The following GNG7 variants were observed in gnomAD, a reference collection of about 807,000 sequenced individuals.
The protein encoded by GNG7 is G protein subunit gamma 7.
GNG7 carries 1 observed loss-of-function variant against 4.0 expected under a neutral mutation model. The observed-to-expected ratio is 0.25, with a 90% CI of 0.09 to 1.18. The LOEUF (loss-of-function observed/expected upper bound fraction) is 1.18, where lower values mean the gene tolerates loss of function less well. Among genes scored for constraint, GNG7 ranks in the 50% most tolerant of loss-of-function variants. The probability of loss-of-function intolerance (pLI) is 0.50; values close to 1 mark genes in which losing one functional copy is unlikely to be tolerated. For missense variants in GNG7, 86 were observed against 91.9 expected (o/e 0.94, Z 0.26); for synonymous variants, 34 against 36.9 (o/e 0.92, Z 0.29).
chr19:2,615,170 T>A (rs1981685589), intron 2 of GNG7, among the ~76,000 whole-genome samples: 1 of 152,070 alleles, frequency 6.6e-6, no homozygotes, highest in Non-Finnish European at 1.5e-5. Flanking sequence ...ACACTCTTTT[T>A]TTTTTTTTTG....
chr19:2,616,219 G>A (rs1981719520), intron 2 of GNG7, among the ~76,000 whole-genome samples: 1 of 151,976 alleles, frequency 6.6e-6, no homozygotes, highest in Non-Finnish European at 1.5e-5. Flanking sequence ...AACCAGCCTG[G>A]GCAAAATAGT....
At position 2,649,578 on chromosome 19, in the gene GNG7, C is replaced by A. The variant is rs145239619; in HGVS notation, c.-134-3298G>T. Among the ~76,000 whole-genome samples the A allele has an allele frequency of 2.0e-5, 3 of 151,786 alleles. No homozygotes were observed. The East Asian group carries it at 5.8e-4, about 29-fold the overall frequency. ...CTAATTTTTGTATTTTTAGTAGAGA[C>A]GGGGTTTCACCATGTTGGTCAGGCT... On this transcript the variant is annotated intron_variant, in intron 1 of 4. Transcript: ENST00000382159.
chr19:2,611,680 T>A lies in GNG7; in HGVS notation c.-78+34544A>T, dbSNP rs200899296. ...AGCAACACCAGGTCTCTACAAAAAATTAAAAATTAGCCGGGCATGCTGGCG... is the reference window on the plus strand; with the variant it reads ...AGCAACACCAGGTCTCTACAAAAAAATAAAAATTAGCCGGGCATGCTGGCG... On this transcript the variant is annotated intron_variant, in intron 2 of 4. Coordinates refer to ENST00000382159, the MANE Select transcript of GNG7 (RefSeq NM_052847.3). The surrounding 1 kb of genome is among the most constrained non-coding windows in gnomAD (Gnocchi z 6.0). 1.3e-5 allele frequency: 2 copies of A among 150,428 alleles called. No homozygotes were observed. Among genetic ancestry groups the A allele is most frequent in the Non-Finnish European group, 3.0e-5 (2 of 67,400 alleles). The allele number at this position is 150,428 out of a possible 1,614,324, so 9.3% of individuals were successfully genotyped here.
chr19:2,598,263 C>T (rs1458412861), intron 2 of GNG7, among the ~76,000 whole-genome samples: 1 of 152,196 alleles, frequency 6.6e-6, no homozygotes, highest in African/African-American at 2.4e-5. Flanking sequence ...TGGCTCATAT[C>T]TGTTAATCCC....
intron 2 of GNG7, among the ~76,000 whole-genome samples, chr19:2,604,512 C>CGAGG (rs796272619): frequency 1.4e-4 from 7 of 49,344 alleles, no homozygotes; most frequent in Admixed American, 6.4e-4. Context: ...AGGAAGGAAG[C>CGAGG]GAGGGAGGGA....
chr19:2,513,243 C>G lies in GNG7; in HGVS notation c.*1779G>C. On this transcript the variant is annotated 3_prime_UTR_variant, in exon 5 of 5. Coordinates refer to ENST00000382159, the MANE Select transcript of GNG7 (RefSeq NM_052847.3). ...CGCCTCACGGGCCTGCACGGAGGAC[C>G]TGGGCGGCCGTCCAGGAACCCTCTC... 1 of 656,006 alleles carries G rather than the reference C, an allele frequency of 1.5e-6. No homozygotes were observed. Among genetic ancestry groups the G allele is most frequent in the South Asian group, 6.8e-5 (1 of 14,814 alleles). 40.6% of individuals were successfully genotyped at this position (656,006 alleles called of 1,614,324 possible). A position where few individuals can be genotyped will look rare whatever the true frequency, so the allele number is the denominator to read the frequency against.
At chr19:2,667,480 C>T (rs1034178981) in intron 1 of GNG7, among the ~76,000 whole-genome samples, 1 of 152,036 alleles carries the variant, frequency 6.6e-6, no homozygotes, top group Non-Finnish European at 1.5e-5. Context: ...AAAGGGCATT[C>T]GGAATATCTC....
rs375000372 is a variant in GNG7, at chr19:2,697,794, C to A, written c.-135+4852G>T. Among the ~76,000 whole-genome samples, 210 of 151,244 alleles carry A rather than the reference C, an allele frequency of 1.4e-3. 1 individual carries two copies. Among genetic ancestry groups the A allele is most frequent in the Middle Eastern group, 3.4e-3 (1 of 290 alleles). ...ACATGGTGAGGGCCCCGTCCCCCCCCCCGCCCGTCTCTACTAAAAATACAA... is the reference window on the plus strand; with the variant it reads ...ACATGGTGAGGGCCCCGTCCCCCCCACCGCCCGTCTCTACTAAAAATACAA... On this transcript the variant is annotated intron_variant, in intron 1 of 4. Coordinates refer to ENST00000382159, the MANE Select transcript of GNG7 (RefSeq NM_052847.3).
At chr19:2,689,130 C>A (rs1233271576) in intron 1 of GNG7, among the ~76,000 whole-genome samples, 1 of 149,994 alleles carries the variant, frequency 6.7e-6, no homozygotes, top group Non-Finnish European at 1.5e-5. Context: ...ATTATGTTTG[C>A]CCCAACATAA....
At chr19:2,692,647 AAAG>A (rs1568286687) in intron 1 of GNG7, among the ~76,000 whole-genome samples, 1 of 149,764 alleles carries the variant, frequency 6.7e-6, no homozygotes, top group Non-Finnish European at 1.5e-5. Context: ...AAAAAAAAAA[AAAG>A]AAGGCCAGGG....
At chr19:2,542,332 T>C (rs1978990018) in intron 3 of GNG7, among the ~76,000 whole-genome samples, 2 of 151,940 alleles carry the variant, frequency 1.3e-5, no homozygotes, top group Admixed American at 1.3e-4. Context: ...CCCAGGCTGG[T>C]CTTGAACTCC....
In GNG7 at chr19:2,609,383, C is replaced by T. The variant is rs932963670; in HGVS notation, c.-78+36841G>A. On this transcript the variant is annotated intron_variant, in intron 2 of 4. Transcript: ENST00000382159. This position sits in a 1 kb window ranked among gnomAD's most constrained non-coding sequence, Gnocchi z 4.4. ...TTGGTCGCTGAGGTTTTTTAGCGCC[C>T]CCTTCAATTTTGTGCCCAGTGTGAA... 3.9e-5 allele frequency among the ~76,000 whole-genome samples: 6 copies of T among 151,964 alleles called. No homozygotes were observed. Among genetic ancestry groups the T allele is most frequent in the Non-Finnish European group, 7.4e-5 (5 of 67,994 alleles).
Position 2,512,763 on chromosome 19 carries a change from T to A in GNG7, c.*2259A>T. On this transcript the variant is annotated 3_prime_UTR_variant, in exon 5 of 5. Coordinates refer to ENST00000382159, the MANE Select transcript of GNG7 (RefSeq NM_052847.3). The surrounding 1 kb of genome is among the most constrained non-coding windows in gnomAD (Gnocchi z 4.7). ...AGGCCTCTTTTAAGGAAAAACGGGGTGGGGTGTGTTTGTTCCCAGTTACCA... is the reference window on the plus strand; with the variant it reads ...AGGCCTCTTTTAAGGAAAAACGGGGAGGGGTGTGTTTGTTCCCAGTTACCA... The A allele has an allele frequency of 2.8e-6, 1 of 352,350 alleles. No individual in the cohort carries two copies. The highest frequency in any genetic ancestry group is 4.0e-6 in the Non-Finnish European group (1 of 251,442). 21.8% of individuals were successfully genotyped at this position (352,350 alleles called of 1,614,324 possible).
At chr19:2,593,894 A>G (rs898574029) in intron 2 of GNG7, among the ~76,000 whole-genome samples, 3 of 148,512 alleles carry the variant, frequency 2.0e-5, no homozygotes, top group African/African-American at 7.5e-5. Context: ...AGTTTTCTGA[A>G]GCAAGCTGAG....
intron 2 of GNG7, chr19:2,642,535 T>C: frequency 2.9e-6 from 1 of 350,476 alleles, no homozygotes; most frequent in South Asian, 2.2e-5. Context: ...CTGGCTAATT[T>C]CTGTATTTTT....
At chr19:2,568,147 GCA>G (rs1185070621) in intron 2 of GNG7, among the ~76,000 whole-genome samples, 10 of 118,936 alleles carry the variant, frequency 8.4e-5, no homozygotes, top group South Asian at 2.8e-4. Context: ...ATATACACAT[GCA>G]CACACATACA....
At chr19:2,674,277 A>C (rs1983538622) in intron 1 of GNG7, among the ~76,000 whole-genome samples, 1 of 131,198 alleles carries the variant, frequency 7.6e-6, no homozygotes, top group Non-Finnish European at 1.7e-5. Context: ...AAACAAAACA[A>C]ACAAGAAAAA....
chr19:2,586,389 C>A (rs555532538), intron 2 of GNG7, among the ~76,000 whole-genome samples: 1 of 152,318 alleles, frequency 6.6e-6, no homozygotes, highest in Admixed American at 6.5e-5. Context: ...GCTCAGCAGG[C>A]CCATAAATTC....
At chr19:2,659,610 A>AAAG (rs5826778) in intron 1 of GNG7, among the ~76,000 whole-genome samples, 9 of 121,470 alleles carry the variant, frequency 7.4e-5, no homozygotes, top group African/African-American at 1.3e-4. Flanking sequence ...AAAAAAAAAA[A>AAAG]AGAGAGGAGG....
Sources: gnomAD v4.1 joint callset for allele counts (sites outside exome capture counted in the v4.1 genomes callset) on GRCh38, gnomAD v4.1.1 for gene constraint, Gnocchi (gnomAD v3.1) non-coding constraint, MANE v1.5 for transcripts, NCBI Gene and HGNC (gene_info 2026-07-23, HGNC 2026-07-21) for gene names.